Variants in TM9SF3 observed in about 807,000 individuals in gnomAD.
TM9SF3 encodes SM-11044-binding protein.
TM9SF3 carries 14 observed loss-of-function variants against 78.6 expected under a neutral mutation model. The observed-to-expected ratio is 0.18, with a 90% CI of 0.12 to 0.28. The LOEUF (loss-of-function observed/expected upper bound fraction) is 0.28, where lower values mean the gene tolerates loss of function less well. Ranked by LOEUF, TM9SF3 falls within the 10% of genes least tolerant of loss-of-function variation. The probability of loss-of-function intolerance (pLI) is 1.00; values close to 1 mark genes in which losing one functional copy is unlikely to be tolerated. For missense variants in TM9SF3, 496 were observed against 721.9 expected, an observed-to-expected ratio of 0.69 and a Z score of 3.59; for synonymous variants, 231 against 241.7, an observed-to-expected ratio of 0.96 and a Z score of 0.41.
intron 10 of TM9SF3, 96 bp from the exon 11 acceptor site, chr10:96,530,704 C>T (rs1035801028): frequency 4.4e-6 from 5 of 1,142,712 alleles, no homozygotes; most frequent in African/African-American, 3.2e-5. Context: ...CTTAAAAAAT[C>T]ATCTCTAAAG....
At chr10:96,555,537 G>A (rs947286826) in intron 5 of TM9SF3, among the ~76,000 whole-genome samples, 2 of 152,320 alleles carry the variant, frequency 1.3e-5, no homozygotes, top group Middle Eastern at 6.8e-3. Context: ...CTAACGTGCT[G>A]AATATGTGCA....
chr10:96,569,655 G>A (rs1848417351), intron 2 of TM9SF3, among the ~76,000 whole-genome samples: 1 of 152,184 alleles, frequency 6.6e-6, no homozygotes, highest in Admixed American at 6.5e-5. Flanking sequence ...CAGATTCAGA[G>A]ATGTACTGAA....
intron 9 of TM9SF3, among the ~76,000 whole-genome samples, chr10:96,535,228 G>GA (rs545877870): frequency 2.6e-5 from 4 of 152,138 alleles, no homozygotes; most frequent in Non-Finnish European, 5.9e-5. Context: ...CAGTTTGTTA[G>GA]AAATAGTGAT....
At chr10:96,584,302 A>G (rs1196855198) in intron 1 of TM9SF3, among the ~76,000 whole-genome samples, 1 of 152,254 alleles carries the variant, frequency 6.6e-6, no homozygotes, top group African/African-American at 2.4e-5. Context: ...AAAAAAATAA[A>G]TAAAACTCAC....
chr10:96,531,693 C>T (rs1277865360), intron 10 of TM9SF3, among the ~76,000 whole-genome samples: 1 of 152,006 alleles, frequency 6.6e-6, no homozygotes, highest in Non-Finnish European at 1.5e-5. Flanking sequence ...TTTAGGTTCC[C>T]AGGATTATAC....
chr10:96,519,394 C>T lies in TM9SF3; in HGVS notation c.*2869G>A, dbSNP rs963848697. On this transcript the variant is annotated 3_prime_UTR_variant, in exon 15 of 15. Coordinates refer to ENST00000371142, the MANE Select transcript of TM9SF3 (RefSeq NM_020123.4). ...GTATGGGGTTTGATTTATGGGCAACCCCAGTACAATCTAGGAGCCCAACAT... is the reference window on the plus strand; with the variant it reads ...GTATGGGGTTTGATTTATGGGCAACTCCAGTACAATCTAGGAGCCCAACAT... 2.6e-5 allele frequency: 4 copies of T among 151,846 alleles called. No homozygotes were observed. The highest frequency in any genetic ancestry group is 5.9e-5 in the Non-Finnish European group (4 of 67,848). The allele number at this position is 151,846 out of a possible 1,614,324, so 9.4% of individuals were successfully genotyped here. A position where few individuals can be genotyped will look rare whatever the true frequency, so the allele number is the denominator to read the frequency against.
chr10:96,579,586 G>A lies in TM9SF3; in HGVS notation c.103-2757C>T, dbSNP rs535601169. ...CAGGAATCCTTAACAGAGTGGTAGA[G>A]TTGTGATGTGATGCCCGTACTGTAA... On this transcript the variant is annotated intron_variant, in intron 1 of 14. Transcript: ENST00000371142. Among the ~76,000 whole-genome samples, 91 of 152,324 alleles carry A rather than the reference G, an allele frequency of 6.0e-4. 4 individuals carry two copies. The South Asian group carries it at 0.018, about 31-fold the overall frequency.
At chr10:96,532,111 G>A (rs1475941533) in intron 10 of TM9SF3, among the ~76,000 whole-genome samples, 1 of 152,006 alleles carries the variant, frequency 6.6e-6, no homozygotes, top group Non-Finnish European at 1.5e-5. Context: ...TCGGGAGGCT[G>A]AGGCGGAAGA....
Position 96,518,296 on chromosome 10 carries a change from T to G in TM9SF3, c.*3967A>C, listed in dbSNP as rs943318778. On this transcript the variant is annotated 3_prime_UTR_variant, in exon 15 of 15. Transcript: ENST00000371142. ...AAGTGGTCATCAGGCAATAATTGTT[T>G]CCTTGGAACTCTGCACCGACTGTCC... The G allele has an allele frequency of 6.6e-6, 1 of 152,162 alleles. No homozygotes were observed. The highest frequency in any genetic ancestry group is 1.5e-5 in the Non-Finnish European group (1 of 68,012). The allele number at this position is 152,162 out of a possible 1,614,324, so 9.4% of individuals were successfully genotyped here.
chr10:96,587,008 C>T lies in TM9SF3; in HGVS notation c.-173G>A. On this transcript the variant is annotated 5_prime_UTR_variant, in exon 1 of 15. Coordinates refer to ENST00000371142, the MANE Select transcript of TM9SF3 (RefSeq NM_020123.4). ...CCGCCGCCGTCGCCGTCACCGCCCG[C>T]TCCTGAGCCTCCCCCGCCCCCCGCG... is the stretch of plus-strand genomic sequence containing the variant. 6.2e-6 allele frequency: 2 copies of T among 324,612 alleles called. No individual in the cohort carries two copies. The highest frequency in any genetic ancestry group is 1.0e-5 in the Non-Finnish European group (2 of 198,638). The allele number at this position is 324,612 out of a possible 1,614,324, so 20.1% of individuals were successfully genotyped here.
Position 96,577,466 on chromosome 10 carries a change from G to A in TM9SF3, c.103-637C>T, listed in dbSNP as rs907566601. 14 of 152,182 alleles carry A rather than the reference G, an allele frequency of 9.2e-5. 1 individual carries two copies. The highest frequency in any genetic ancestry group is 1.5e-5 in the Non-Finnish European group (1 of 68,040). The allele number at this position is 152,182 out of a possible 1,614,324, so 9.4% of individuals were successfully genotyped here. A position where few individuals can be genotyped will look rare whatever the true frequency, so the allele number is the denominator to read the frequency against. On this transcript the variant is annotated intron_variant, in intron 1 of 14. Transcript: ENST00000371142. The stretch of plus-strand genomic sequence containing the variant: ...TAAGTAATTATGGAACTACATATCA[G>A]TGAATATTATACATGGCTAAATCTG...
chr10:96,544,263 GT>G, intron 8 of TM9SF3, 57 bp from the exon 9 acceptor site: 3 of 1,398,452 alleles, frequency 2.1e-6, no homozygotes, highest in South Asian at 3.1e-5. Flanking sequence ...GAAATTATTT[GT>G]TTGAAATTTT....
intron 4 of TM9SF3, among the ~76,000 whole-genome samples, chr10:96,561,684 A>ATTTTTAGACATGTAAC (rs1221239851): frequency 5.9e-5 from 9 of 152,238 alleles, no homozygotes; most frequent in African/African-American, 2.2e-4. Flanking sequence ...AAATGTAACC[A>ATTTTTAGACATGTAAC]TAAAAATACA....
intron 9 of TM9SF3, among the ~76,000 whole-genome samples, chr10:96,538,931 CA>C (rs1437654366): frequency 6.6e-6 from 1 of 152,130 alleles, no homozygotes; most frequent in African/African-American, 2.4e-5. Flanking sequence ...TGTAAAATGT[CA>C]AAACTATTTT....
At chr10:96,577,255 A>AC (rs397695567) in intron 1 of TM9SF3, among the ~76,000 whole-genome samples, 1 of 150,590 alleles carries the variant, frequency 6.6e-6, no homozygotes, top group Non-Finnish European at 1.5e-5. Flanking sequence ...AAAAAAAAAA[A>AC]CCTAATGTTG....
chr10:96,585,511 C>T (rs115254319), intron 1 of TM9SF3, among the ~76,000 whole-genome samples: 147 of 152,342 alleles, frequency 9.6e-4, no homozygotes, highest in African/African-American at 3.5e-3. Flanking sequence ...AGATTTGTGT[C>T]TCTAAAGAAA....
At position 96,527,245 on chromosome 10, in the gene TM9SF3, G is replaced by A. The variant is rs755612180; in HGVS notation, c.1670C>T (p.Ala557Val). 6 of 1,611,112 alleles carry A rather than the reference G, an allele frequency of 3.7e-6. No homozygotes were observed. Among genetic ancestry groups the A allele is most frequent in the Admixed American group, 1.7e-5 (1 of 59,892 alleles). Residue 557 changes from alanine (A) to valine (V), a missense_variant, in exon 14 of 15, where the codon GCG (alanine) becomes GTG (valine). Ala to Val is a moderately conservative substitution (Grantham distance 64). Coordinates refer to ENST00000371142, the MANE Select transcript of TM9SF3 (RefSeq NM_020123.4). ...TATCCCCAAGGCTGTGCTAAATACC[G>A]CCATATATCCAAAGTAAAATGATGT... ...FQTSFYFGYM[A>V]VFSTALGIMC...
intron 9 of TM9SF3, among the ~76,000 whole-genome samples, chr10:96,536,512 GAACT>G (rs1198228596): frequency 6.6e-6 from 1 of 151,950 alleles, no homozygotes; most frequent in Non-Finnish European, 1.5e-5. Flanking sequence ...ACTTATTGTA[GAACT>G]AATAAGTGAA....
At chr10:96,547,455 G>A (rs902230122) in intron 8 of TM9SF3, among the ~76,000 whole-genome samples, 2 of 152,142 alleles carry the variant, frequency 1.3e-5, no homozygotes, top group South Asian at 4.1e-4. Flanking sequence ...TAAAACGCGA[G>A]AATTCCACAA....
Sources: gnomAD v4.1 joint callset for allele counts (sites outside exome capture counted in the v4.1 genomes callset) on GRCh38, gnomAD v4.1.1 for gene constraint, MANE v1.5 for transcripts, NCBI Gene and HGNC (gene_info 2026-07-23, HGNC 2026-07-21) for gene names.